Variants in CNTNAP4 observed in about 807,000 individuals in gnomAD.
CNTNAP4 encodes the protein contactin-associated protein-like 4.
CNTNAP4 carries 98 observed loss-of-function variants against 148.4 expected under a neutral mutation model. That is an observed-to-expected ratio of 0.66 (90% CI 0.56 to 0.78). CNTNAP4 has a LOEUF of 0.78. CNTNAP4 is among the 30% of genes least tolerant of loss of function. CNTNAP4 has a pLI of 0.00. For synonymous variants in CNTNAP4, 730 were observed against 565.1 expected (o/e 1.29, Z -4.14); for missense variants, 1,935 against 1,565.6 (o/e 1.24, Z -3.98).
chr16:76,352,269 A>T (rs2011904403), intron 2 of CNTNAP4, among the ~76,000 whole-genome samples: 1 of 152,172 alleles, frequency 6.6e-6, no homozygotes, highest in Non-Finnish European at 1.5e-5. Context: ...CTGGAGGGAA[A>T]GAATAAAATT....
At chr16:76,327,593 A>G (rs1963119548) in intron 2 of CNTNAP4, among the ~76,000 whole-genome samples, 1 of 152,146 alleles carries the variant, frequency 6.6e-6, no homozygotes, top group Non-Finnish European at 1.5e-5. Flanking sequence ...CCAGCTTTCC[A>G]CAGGTGTGAT....
At chr16:76,499,129 G>A (rs997992771) in intron 15 of CNTNAP4, among the ~76,000 whole-genome samples, 11 of 147,842 alleles carry the variant, frequency 7.4e-5, no homozygotes, top group Non-Finnish European at 1.5e-4. Flanking sequence ...GTGCAGTGGC[G>A]CGATGTTGGC....
At chr16:76,306,563 G>T (rs899306214) in intron 1 of CNTNAP4, among the ~76,000 whole-genome samples, 1 of 152,196 alleles carries the variant, frequency 6.6e-6, no homozygotes, top group African/African-American at 2.4e-5. Context: ...TCAAGTCAGA[G>T]GATTTGAACG....
At chr16:76,389,397 C>T (rs1260712106) in intron 3 of CNTNAP4, among the ~76,000 whole-genome samples, 1 of 152,122 alleles carries the variant, frequency 6.6e-6, no homozygotes, top group Non-Finnish European at 1.5e-5. Context: ...TTGCTTGTGG[C>T]TCTTCTTCCA....
chr16:76,477,715 A>C (rs1223210877), intron 11 of CNTNAP4, among the ~76,000 whole-genome samples: 2 of 152,216 alleles, frequency 1.3e-5, no homozygotes, highest in African/African-American at 4.8e-5. Context: ...TTGACCCAGG[A>C]CACCCAGCTA....
At chr16:76,387,908 G>T (rs868288507) in intron 3 of CNTNAP4, among the ~76,000 whole-genome samples, 2 of 152,128 alleles carry the variant, frequency 1.3e-5, no homozygotes, top group Admixed American at 6.6e-5. Context: ...ACACAGAAGG[G>T]ATCTATTCCC....
chr16:76,325,881 A>G (rs905370713), intron 2 of CNTNAP4, among the ~76,000 whole-genome samples: 1 of 152,148 alleles, frequency 6.6e-6, no homozygotes, highest in East Asian at 1.9e-4. Flanking sequence ...ATTTAAATGA[A>G]TTGAAAAAAT....
intron 21 of CNTNAP4, among the ~76,000 whole-genome samples, chr16:76,549,690 TATAAC>T (rs2084884673): frequency 6.6e-6 from 1 of 151,644 alleles, no homozygotes; most frequent in Admixed American, 6.6e-5. Context: ...AAACAAAAAA[TATAAC>T]AGGAAAGAAT....
intron 15 of CNTNAP4, among the ~76,000 whole-genome samples, chr16:76,504,002 T>G (rs2082748305): frequency 6.6e-6 from 1 of 152,146 alleles, no homozygotes; most frequent in African/African-American, 2.4e-5. Flanking sequence ...TTTGATAAGA[T>G]GTCAATTTTT....
chr16:76,348,181 C>A (rs1401925595), intron 2 of CNTNAP4, among the ~76,000 whole-genome samples: 2 of 148,686 alleles, frequency 1.3e-5, no homozygotes, highest in Non-Finnish European at 1.5e-5. Flanking sequence ...AGGGGTCAAG[C>A]GTGACTCTTT....
chr16:76,384,282 T>TC, intron 3 of CNTNAP4, among the ~76,000 whole-genome samples: 1 of 152,132 alleles, frequency 6.6e-6, no homozygotes, highest in Non-Finnish European at 1.5e-5. Context: ...GACCTTGTGA[T>TC]CCACCCACCT....
chr16:76,352,073 G>C (rs1298877091), intron 2 of CNTNAP4, among the ~76,000 whole-genome samples: 1 of 152,094 alleles, frequency 6.6e-6, no homozygotes, highest in Non-Finnish European at 1.5e-5. Flanking sequence ...TTCCAAGTGT[G>C]GAATTTCCAG....
At chr16:76,529,860 T>TGTGC (rs1034309882) in intron 17 of CNTNAP4, among the ~76,000 whole-genome samples, 43 of 151,846 alleles carry the variant, frequency 2.8e-4, no homozygotes, top group Non-Finnish European at 4.6e-4. Context: ...TGTGTGTGTG[T>TGTGC]GTGTGTGTGT....
intron 3 of CNTNAP4, among the ~76,000 whole-genome samples, chr16:76,395,937 C>T (rs1360844213): frequency 2.0e-5 from 3 of 152,068 alleles, no homozygotes; most frequent in Non-Finnish European, 4.4e-5. Context: ...CCATGTTTGG[C>T]AGGCTGGTCT....
intron 3 of CNTNAP4, among the ~76,000 whole-genome samples, chr16:76,364,443 C>A (rs1409533730): frequency 2.6e-5 from 4 of 151,996 alleles, no homozygotes; most frequent in Non-Finnish European, 4.4e-5. Context: ...GTGTACACCC[C>A]CATTCCAGTT....
intron 18 of CNTNAP4, among the ~76,000 whole-genome samples, chr16:76,536,194 T>G (rs2144250463): frequency 6.6e-6 from 1 of 152,218 alleles, no homozygotes. Flanking sequence ...AGCATTACTT[T>G]TTTTTTTATT....
rs537462996 is a variant in CNTNAP4, at chr16:76,516,791, T to C, written c.2366-4349T>C. On this transcript the variant is annotated intron_variant, in intron 15 of 23. Coordinates refer to ENST00000611870, the MANE Select transcript of CNTNAP4 (RefSeq NM_033401.5). Reference sequence around the variant, plus strand: ...TCAAAGAGTAATTCTGGGCCAGAAGTGGTGGCTCACGCCTGTAATCCCAGC... The same window carrying C: ...TCAAAGAGTAATTCTGGGCCAGAAGCGGTGGCTCACGCCTGTAATCCCAGC... Among the ~76,000 whole-genome samples, 4 of 152,188 alleles carry C rather than the reference T, an allele frequency of 2.6e-5. No individual in the cohort carries two copies. In the East Asian group the frequency reaches 7.7e-4, roughly 29 times the overall value.
At chr16:76,287,468 A>G (rs1054128475) in intron 1 of CNTNAP4, among the ~76,000 whole-genome samples, 1 of 152,166 alleles carries the variant, frequency 6.6e-6, no homozygotes, top group Non-Finnish European at 1.5e-5. Flanking sequence ...TAGTTTCTTT[A>G]TATTTATGTA....
chr16:76,524,984 C>T (rs1412659854), intron 17 of CNTNAP4, among the ~76,000 whole-genome samples: 2 of 151,330 alleles, frequency 1.3e-5, no homozygotes, highest in East Asian at 1.9e-4. Flanking sequence ...AAAAAAAAAA[C>T]ACTTGTAGTC....
Sources: gnomAD v4.1 joint callset for allele counts (sites outside exome capture counted in the v4.1 genomes callset) on GRCh38, gnomAD v4.1.1 for gene constraint, MANE v1.5 for transcripts, NCBI Gene and HGNC (gene_info 2026-07-23, HGNC 2026-07-21) for gene names.